Variants in RYR3 observed in about 807,000 individuals in gnomAD.
The protein encoded by RYR3 is brain ryanodine receptor-calcium release channel.
In RYR3, 207 loss-of-function variants were observed where a neutral mutation model predicts 584.3. The ratio of observed to expected loss-of-function variants is 0.35; its 90% CI spans 0.32 to 0.40. The LOEUF is 0.40. RYR3 is among the 10% of genes least tolerant of loss of function. RYR3 has a pLI of 1.00. For missense variants in RYR3, 5,616 were observed against 6,089.2 expected (o/e 0.92, Z 2.59); for synonymous variants, 2,416 against 2,248.5 (o/e 1.07, Z -2.11).
At chr15:33,397,639 T>G (rs567981784) in intron 1 of RYR3, among the ~76,000 whole-genome samples, 1 of 152,308 alleles carries the variant, frequency 6.6e-6, no homozygotes, top group South Asian at 2.1e-4. Context: ...GTTCTAATAT[T>G]GCTTATCTGG....
intron 1 of RYR3, among the ~76,000 whole-genome samples, chr15:33,384,541 ATAT>A (rs530563762): frequency 0.026 from 3,875 of 146,646 alleles, 159 homozygotes; most frequent in African/African-American, 0.092. Flanking sequence ...AATTTAATTA[ATAT>A]TATTTAAATT....
At chr15:33,840,975 T>C (rs2078326230) in intron 90 of RYR3, 92 bp downstream of exon 90, 1 of 1,132,424 alleles carries the variant, frequency 8.8e-7, no homozygotes, top group African/African-American at 1.5e-5. Flanking sequence ...CCCAGCACTT[T>C]GAGAGGCTGA....
At chr15:33,319,051 A>C (rs907952) in intron 1 of RYR3, among the ~76,000 whole-genome samples, 150,325 of 152,318 alleles carry the variant, frequency 0.99, 74,214 homozygotes, top group East Asian at 1. Context: ...CTGGAAGGTA[A>C]AGGCATTGCA....
rs576761746 is a variant in RYR3, at chr15:33,425,903, A to C, written c.52-47516A>C. Among the ~76,000 whole-genome samples, 6 of 152,168 alleles carry C rather than the reference A, an allele frequency of 3.9e-5. No individual in the cohort carries two copies. In the East Asian group the frequency reaches 9.7e-4, roughly 25 times the overall value. On this transcript the variant is annotated intron_variant, in intron 1 of 103. Coordinates refer to ENST00000634891, the MANE Select transcript of RYR3 (RefSeq NM_001036.6). ...GTGATCCGCCCGCCTTGGCCTCCCAAAGTGCTCGGATTACAGGCATGAGCC... is the reference window on the plus strand; with the variant it reads ...GTGATCCGCCCGCCTTGGCCTCCCACAGTGCTCGGATTACAGGCATGAGCC...
chr15:33,641,118 G>A (rs2061799927), intron 27 of RYR3, among the ~76,000 whole-genome samples: 1 of 152,206 alleles, frequency 6.6e-6, no homozygotes, highest in Non-Finnish European at 1.5e-5. Flanking sequence ...ACAAACAGGT[G>A]AACTCCCTGA....
At chr15:33,770,797 C>T (rs2073508065) in intron 62 of RYR3, among the ~76,000 whole-genome samples, 1 of 152,008 alleles carries the variant, frequency 6.6e-6, no homozygotes, top group Non-Finnish European at 1.5e-5. Flanking sequence ...GCCTAACTGA[C>T]TTTATTTCTT....
intron 1 of RYR3, among the ~76,000 whole-genome samples, chr15:33,374,583 A>G (rs1337981899): frequency 1.3e-5 from 2 of 152,220 alleles, no homozygotes; most frequent in African/African-American, 2.4e-5. Flanking sequence ...TCAGCACACC[A>G]GATCACACTT....
At chr15:33,812,486 A>C (rs1311785129) in intron 72 of RYR3, among the ~76,000 whole-genome samples, 2 of 152,220 alleles carry the variant, frequency 1.3e-5, no homozygotes, top group Non-Finnish European at 2.9e-5. Context: ...GGGTTTGAAA[A>C]AAGACTTCAT....
Position 33,816,870 on chromosome 15 carries a change from C to A in RYR3, c.10511C>A (p.Ser3504Tyr). The A allele has an allele frequency of 6.2e-7, 1 of 1,611,346 alleles. No homozygotes were observed. The highest frequency in any genetic ancestry group is 1.1e-5 in the South Asian group (1 of 90,466). ...TCACCCCTTCCGCTCAGGCACCGCT[C>A]TATTAACCTCTTCCTCCATGGCTAT... ...APLYNLPRHR[S>Y]INLFLHGYQR... Residue 3504 changes from serine (S) to tyrosine (Y), a missense_variant, in exon 75 of 104, where the codon TCT (serine) becomes TAT (tyrosine). By Grantham distance (144) the Ser-to-Tyr change is moderately radical. Coordinates refer to ENST00000634891, the MANE Select transcript of RYR3 (RefSeq NM_001036.6).
At chr15:33,801,434 G>A (rs909821630) in intron 68 of RYR3, among the ~76,000 whole-genome samples, 2 of 152,120 alleles carry the variant, frequency 1.3e-5, no homozygotes, top group Non-Finnish European at 2.9e-5. Flanking sequence ...AAAGGGAAGG[G>A]GATTCTCTAC....
At chr15:33,429,541 G>T (rs909227120) in intron 1 of RYR3, among the ~76,000 whole-genome samples, 1 of 152,140 alleles carries the variant, frequency 6.6e-6, no homozygotes. Flanking sequence ...TAATTGACTG[G>T]TTAAACATGC....
intron 67 of RYR3, among the ~76,000 whole-genome samples, chr15:33,794,382 CCTAT>C (rs1368748625): frequency 1.4e-5 from 2 of 143,286 alleles, no homozygotes; most frequent in Admixed American, 1.4e-4. Context: ...TCTTTCCTTA[CCTAT>C]CTATGGGAAA....
chr15:33,574,531 T>C (rs190404423), intron 12 of RYR3, among the ~76,000 whole-genome samples: 1 of 152,150 alleles, frequency 6.6e-6, no homozygotes, highest in Non-Finnish European at 1.5e-5. Flanking sequence ...CTGCTAGGAG[T>C]TGAATACACA....
rs1490381795 is a variant in RYR3 at position 33,836,909 on chromosome 15, T to G, written c.11572T>G (p.Ser3858Ala). Residue 3858 changes from serine to alanine, a missense_variant, in exon 88 of 104, where the codon TCC becomes GCC. Around this residue, in one of 9 missense-constraint regions of RYR3, gnomAD observed 954 missense variants for 1,132.2 expected, o/e 0.84. Coordinates refer to ENST00000634891, the MANE Select transcript of RYR3 (RefSeq NM_001036.6). ...GTATCTCCTGTTTCTGTTCTAGGAT[T>G]CCAGTCAGATCGAGCTGCTGAAGGA... ...ANMQMKLSQD[S>A]SQIELLKELL... 1.2e-6 allele frequency: 2 copies of G among 1,613,056 alleles called. No individual in the cohort carries two copies. Among genetic ancestry groups the G allele is most frequent in the Non-Finnish European group, 1.7e-6 (2 of 1,179,470 alleles).
intron 18 of RYR3, among the ~76,000 whole-genome samples, chr15:33,606,891 G>A (rs1379866664): frequency 6.6e-6 from 1 of 152,132 alleles, no homozygotes; most frequent in African/African-American, 2.4e-5. Context: ...TGAGTAGTAC[G>A]GAAGCGAATG....
intron 2 of RYR3, among the ~76,000 whole-genome samples, chr15:33,484,831 T>C (rs552412445): frequency 6.6e-6 from 1 of 152,168 alleles, no homozygotes; most frequent in South Asian, 2.1e-4. Flanking sequence ...AAAAAGCCTG[T>C]AAGACATCCA....
intron 1 of RYR3, among the ~76,000 whole-genome samples, chr15:33,351,913 G>A (rs11858760): frequency 0.85 from 126,755 of 148,530 alleles, 54,448 homozygotes; most frequent in East Asian, 0.97. Flanking sequence ...TGGCCAGGGC[G>A]ATTAGGCAGG....
At chr15:33,795,016 A>C (rs1467156731) in intron 67 of RYR3, among the ~76,000 whole-genome samples, 1 of 152,224 alleles carries the variant, frequency 6.6e-6, no homozygotes, top group African/African-American at 2.4e-5. Flanking sequence ...TTGAGCTCAA[A>C]GGATAACTCC....
chr15:33,826,024 C>A (rs898030870), intron 82 of RYR3, among the ~76,000 whole-genome samples: 4 of 152,062 alleles, frequency 2.6e-5, no homozygotes, highest in Admixed American at 2.0e-4. Context: ...CGTGAGCCAC[C>A]GCACCTGGCC....
Sources: gnomAD v4.1 joint callset for allele counts (sites outside exome capture counted in the v4.1 genomes callset) on GRCh38, gnomAD v4.1.1 for gene constraint, gnomAD v4.1.1 regional missense constraint, MANE v1.5 for transcripts, NCBI Gene and HGNC (gene_info 2026-07-23, HGNC 2026-07-21) for gene names.